WDHD1: variants seen among roughly 807,000 people sequenced by gnomAD.
The protein encoded by WDHD1 is WD repeat and HMG-box DNA binding protein 1, also known as WD repeat and HMG-box DNA-binding protein 1.
WDHD1 carries 111 observed loss-of-function variants against 135.4 expected under a neutral mutation model. That is an observed-to-expected ratio of 0.82 (90% CI 0.70 to 0.96). The LOEUF is 0.96. Among genes scored for constraint, WDHD1 ranks in the 40% least tolerant of loss-of-function variants. WDHD1 has a pLI of 0.00. For missense variants in WDHD1, 1,351 were observed against 1,336.3 expected (o/e 1.01, Z -0.17); for synonymous variants, 434 against 439.0 (o/e 0.99, Z 0.14).
In WDHD1 at chr14:54,949,133, C is replaced by T. The variant is rs543731201; in HGVS notation, c.3051-4663G>A. ...AAGGAACGCAGCTCCTCACCAGCAA[C>T]GGAACAAAGCTGGACGGAGAATGAC... On this transcript the variant is annotated intron_variant, in intron 24 of 25. Transcript: ENST00000360586. Among the ~76,000 whole-genome samples the T allele has an allele frequency of 8.3e-4, 126 of 152,272 alleles. 1 individual carries two copies. In the South Asian group the frequency reaches 0.021, roughly 25 times the overall value.
chr14:55,003,844 G>A (rs566370183), intron 7 of WDHD1, among the ~76,000 whole-genome samples: 8 of 152,272 alleles, frequency 5.3e-5, no homozygotes, highest in Middle Eastern at 3.4e-3. Context: ...GATTATAGGC[G>A]TGAGCCACTG....
chr14:54,970,559 A>G (rs1038672562), intron 16 of WDHD1, among the ~76,000 whole-genome samples: 6 of 151,962 alleles, frequency 3.9e-5, no homozygotes, highest in Admixed American at 3.9e-4. Flanking sequence ...AGAAGAATCA[A>G]TATCATTAAA....
At chr14:55,016,323 ATTT>A (rs564728985) in intron 2 of WDHD1, among the ~76,000 whole-genome samples, 9 of 152,358 alleles carry the variant, frequency 5.9e-5, no homozygotes, top group African/African-American at 1.9e-4. Context: ...TCAAGTACAT[ATTT>A]AATAAAAGAT....
At chr14:54,972,206 C>T (rs1342082935) in intron 16 of WDHD1, among the ~76,000 whole-genome samples, 5 of 142,066 alleles carry the variant, frequency 3.5e-5, no homozygotes, top group East Asian at 2.1e-4. Context: ...ACCCGGGAGG[C>T]GGAGCTTGCG....
At chr14:54,975,631 G>A (rs542199513) in intron 16 of WDHD1, among the ~76,000 whole-genome samples, 31 of 152,242 alleles carry the variant, frequency 2.0e-4, no homozygotes, top group Non-Finnish European at 3.4e-4. Context: ...TTACAGGCGT[G>A]AGCCACTGCA....
chr14:54,987,898 A>AT (rs1181946649), intron 13 of WDHD1, among the ~76,000 whole-genome samples: 1 of 152,218 alleles, frequency 6.6e-6, no homozygotes. Flanking sequence ...AAGTGCCGGG[A>AT]TTACAGGCGT....
intron 3 of WDHD1, among the ~76,000 whole-genome samples, chr14:55,012,141 G>C (rs191675153): frequency 6.6e-6 from 1 of 152,122 alleles, no homozygotes; most frequent in Admixed American, 6.6e-5. Context: ...TTTAAAATTT[G>C]CATTTCTTTG....
intron 24 of WDHD1, 146 bp from the exon 25 acceptor site, chr14:54,944,616 C>CTTTT (rs780376690): frequency 1.1e-4 from 29 of 269,450 alleles, no homozygotes; most frequent in Admixed American, 1.4e-4. Flanking sequence ...ATTCATGTTA[C>CTTTT]TTTTTTTTTT....
chr14:54,981,518 T>C, intron 16 of WDHD1, 22 bp downstream of exon 16: 1 of 1,605,720 alleles, frequency 6.2e-7, no homozygotes, highest in Non-Finnish European at 8.5e-7. Flanking sequence ...GAGTCAACTT[T>C]AGACTTCTTT....
rs1053275177 is a variant in WDHD1, at chr14:54,941,419, C to T, written c.*71G>A. The T allele has an allele frequency of 3.0e-6, 4 of 1,312,036 alleles. No homozygotes were observed. Among genetic ancestry groups the T allele is most frequent in the Non-Finnish European group, 4.2e-6 (4 of 959,984 alleles). The allele number at this position is 1,312,036 out of a possible 1,614,324, so 81.3% of individuals were successfully genotyped here. A position where few individuals can be genotyped will look rare whatever the true frequency, so the allele number is the denominator to read the frequency against. ...AAAAATATATATATAATGAGTTTCCCAAAGACTCGAGTCTATATTCAAAGA... is the reference window on the plus strand; with the variant it reads ...AAAAATATATATATAATGAGTTTCCTAAAGACTCGAGTCTATATTCAAAGA... On this transcript the variant is annotated 3_prime_UTR_variant, in exon 26 of 26. Transcript: ENST00000360586.
At chr14:54,959,552 C>T (rs2041215792) in intron 21 of WDHD1, among the ~76,000 whole-genome samples, 1 of 152,016 alleles carries the variant, frequency 6.6e-6, no homozygotes, top group African/African-American at 2.4e-5. Context: ...CACTTAAGCC[C>T]AGGAGTTCCA....
At position 54,997,561 on chromosome 14, in the gene WDHD1, G is replaced by C. The variant is rs113799610; in HGVS notation, c.943-1748C>G. On this transcript the variant is annotated intron_variant, in intron 10 of 25. Transcript: ENST00000360586. Reference sequence around the variant, plus strand: ...AAGATATTCAACCATTCCATTTATAGTCCTAAAAGTTTGTGTACTCAAGCT... The same window carrying C: ...AAGATATTCAACCATTCCATTTATACTCCTAAAAGTTTGTGTACTCAAGCT... Among the ~76,000 whole-genome samples, 286 of 152,214 alleles carry C rather than the reference G, an allele frequency of 1.9e-3. 1 individual carries two copies. Among genetic ancestry groups the C allele is most frequent in the African/African-American group, 6.7e-3 (279 of 41,500 alleles).
chr14:54,955,391 A>G (rs2041135793), intron 24 of WDHD1, among the ~76,000 whole-genome samples, 170 bp downstream of exon 24: 1 of 152,222 alleles, frequency 6.6e-6, no homozygotes, highest in Admixed American at 6.5e-5. Flanking sequence ...AATATTATAA[A>G]TAGACATTAA....
At chr14:54,974,350 T>A (rs2041487786) in intron 16 of WDHD1, among the ~76,000 whole-genome samples, 1 of 151,862 alleles carries the variant, frequency 6.6e-6, no homozygotes. Flanking sequence ...GGAGGATCGC[T>A]TGAGGCCAGG....
intron 24 of WDHD1, among the ~76,000 whole-genome samples, chr14:54,948,791 C>T (rs1211929013): frequency 2.0e-5 from 3 of 152,126 alleles, no homozygotes; most frequent in Non-Finnish European, 2.9e-5. Context: ...CGGCCGGGTA[C>T]CCCTCTGAGA....
chr14:54,957,631 T>C lies in WDHD1; in HGVS notation c.2706A>G (p.Ala902=), dbSNP rs137977906. The change falls in exon 22 of 26, where the codon GCA becomes GCG. Residue 902 remains alanine, a synonymous_variant. Coordinates refer to ENST00000360586, the MANE Select transcript of WDHD1 (RefSeq NM_007086.4). ...NSSDVSAKSG[A]VTFSSQGRVN... ...CTCGTCCTTGGCTGCTAAAGGTAAC[T>C]GCACCTTTCACAAAAAAGAAACCCT... 1.9e-6 allele frequency: 3 copies of C among 1,605,558 alleles called. No homozygotes were observed. The highest frequency in any genetic ancestry group is 2.5e-6 in the Non-Finnish European group (3 of 1,177,880).
intron 7 of WDHD1, chr14:55,005,635 G>T (rs1223441390): frequency 3.4e-6 from 2 of 588,756 alleles, no homozygotes; most frequent in Non-Finnish European, 6.5e-6. Flanking sequence ...CTCCTGCAAG[G>T]AACTTAAGGA....
intron 2 of WDHD1, among the ~76,000 whole-genome samples, chr14:55,023,717 A>C (rs2042386970): frequency 6.6e-6 from 1 of 152,232 alleles, no homozygotes; most frequent in Admixed American, 6.5e-5. Flanking sequence ...TTTTAAGCAG[A>C]TACAACCTCA....
chr14:54,982,644 G>A (rs1044716094), intron 15 of WDHD1, among the ~76,000 whole-genome samples: 13 of 152,062 alleles, frequency 8.5e-5, no homozygotes, highest in African/African-American at 2.9e-4. Flanking sequence ...ATTAGTTTCC[G>A]CAGGGTCTGG....
Sources: gnomAD v4.1 joint callset for allele counts (sites outside exome capture counted in the v4.1 genomes callset) on GRCh38, gnomAD v4.1.1 for gene constraint, MANE v1.5 for transcripts, NCBI Gene and HGNC (gene_info 2026-07-23, HGNC 2026-07-21) for gene names.